Variants in PTK2 observed in about 807,000 individuals in gnomAD.
PTK2 encodes the protein focal adhesion kinase 1.
PTK2 carries 45 observed loss-of-function variants against 150.1 expected under a neutral mutation model. That is an observed-to-expected ratio of 0.30 (90% CI 0.24 to 0.38). The LOEUF (loss-of-function observed/expected upper bound fraction) is 0.38, where lower values mean the gene tolerates loss of function less well. Among genes scored for constraint, PTK2 ranks in the 10% least tolerant of loss-of-function variants. PTK2 has a pLI of 1.00. For missense variants in PTK2, 919 were observed against 1,307.3 expected (o/e 0.70, Z 4.58); for synonymous variants, 432 against 449.2 (o/e 0.96, Z 0.48).
intron 31 of PTK2, 146 bp downstream of exon 35, chr8:140,664,771 G>A: frequency 2.5e-6 from 2 of 800,766 alleles, no homozygotes; most frequent in Non-Finnish European, 4.2e-6. Context: ...TGGGGCCAGT[G>A]TTAGAGGGAA....
chr8:140,715,155 G>GTTTTTTTTTT (rs67306225), intron 23 of PTK2, among the ~76,000 whole-genome samples: 1 of 56,020 alleles, frequency 1.8e-5, no homozygotes, highest in Non-Finnish European at 3.4e-5. Flanking sequence ...CATTAAAACC[G>GTTTTTTTTTT]TTTTTTTTTT....
chr8:140,837,782 G>C (rs898927913), intron 7 of PTK2, among the ~76,000 whole-genome samples: 1 of 150,622 alleles, frequency 6.6e-6, no homozygotes, highest in East Asian at 2.0e-4. Context: ...AAAGCAGCTG[G>C]GCACGGTGGC....
chr8:140,880,656 T>C (rs1258965201), intron 3 of PTK2, among the ~76,000 whole-genome samples: 2 of 150,854 alleles, frequency 1.3e-5, no homozygotes, highest in Non-Finnish European at 3.0e-5. Context: ...TAATACAACT[T>C]GTTAAGACAT....
intron 13 of PTK2, among the ~76,000 whole-genome samples, chr8:140,789,991 A>C (rs2100087520): frequency 6.6e-6 from 1 of 152,186 alleles, no homozygotes; most frequent in South Asian, 2.1e-4. Flanking sequence ...CAATACATTA[A>C]TATGTACTAT....
chr8:140,788,533 A>G (rs1443008305), intron 14 of PTK2, among the ~76,000 whole-genome samples: 1 of 152,104 alleles, frequency 6.6e-6, no homozygotes, highest in Non-Finnish European at 1.5e-5. Flanking sequence ...AAAATACAAA[A>G]GTGAGCAGGG....
chr8:140,741,336 T>C (rs1366900901), intron 20 of PTK2, among the ~76,000 whole-genome samples: 1 of 151,566 alleles, frequency 6.6e-6, no homozygotes, highest in Non-Finnish European at 1.5e-5. Flanking sequence ...GCACCTGTAG[T>C]CCCAGCTACT....
At chr8:140,913,949 G>GT (rs1185505477) in intron 2 of PTK2, among the ~76,000 whole-genome samples, 2 of 151,930 alleles carry the variant, frequency 1.3e-5, no homozygotes, top group Non-Finnish European at 1.5e-5. Flanking sequence ...TCAACCAAAG[G>GT]TATCACCAAA....
intron 8 of PTK2, among the ~76,000 whole-genome samples, chr8:140,824,512 C>T (rs989534170): frequency 7.2e-5 from 11 of 152,194 alleles, no homozygotes; most frequent in Admixed American, 2.0e-4. Context: ...GCGCCTTTGG[C>T]AGGAATATAC....
At chr8:140,687,795 G>T (rs56077134) in intron 26 of PTK2, among the ~76,000 whole-genome samples, 1 of 152,082 alleles carries the variant, frequency 6.6e-6, no homozygotes, top group Non-Finnish European at 1.5e-5. Context: ...TGAAGGACAC[G>T]GCCACCATTA....
At chr8:140,822,776 C>A (rs567543875) in intron 8 of PTK2, among the ~76,000 whole-genome samples, 2 of 152,170 alleles carry the variant, frequency 1.3e-5, no homozygotes, top group South Asian at 4.2e-4. Flanking sequence ...GAGTATAGCC[C>A]GCAGCTGAAA....
At chr8:140,852,725 G>A (rs1387500441) in intron 5 of PTK2, among the ~76,000 whole-genome samples, 1 of 152,160 alleles carries the variant, frequency 6.6e-6, no homozygotes, top group Non-Finnish European at 1.5e-5. Flanking sequence ...AAGGCTTTAC[G>A]TGGAAAGCAC....
chr8:140,867,817 T>A (rs1157938719), intron 4 of PTK2, among the ~76,000 whole-genome samples: 1 of 152,218 alleles, frequency 6.6e-6, no homozygotes, highest in Non-Finnish European at 1.5e-5. Context: ...AAAACTCTAC[T>A]GAAACTTTCC....
At chr8:140,898,023 A>G (rs2100156981) in intron 2 of PTK2, among the ~76,000 whole-genome samples, 1 of 152,244 alleles carries the variant, frequency 6.6e-6, no homozygotes, top group African/African-American at 2.4e-5. Flanking sequence ...TTAAAACCAA[A>G]AACTGTTTTT....
At chr8:140,689,595 G>A (rs1183001939) in intron 26 of PTK2, among the ~76,000 whole-genome samples, 5 of 152,196 alleles carry the variant, frequency 3.3e-5, no homozygotes, top group African/African-American at 1.2e-4. Flanking sequence ...GGTTATTTAA[G>A]AGAACATCCT....
intron 23 of PTK2, among the ~76,000 whole-genome samples, chr8:140,714,463 A>AG (rs1039973197): frequency 1.8e-4 from 27 of 151,692 alleles, no homozygotes; most frequent in Non-Finnish European, 3.4e-4. Flanking sequence ...TTTAAAAAAA[A>AG]AAGAAAGAAA....
chr8:140,905,578 A>C (rs1286510090), intron 2 of PTK2, among the ~76,000 whole-genome samples: 1 of 152,174 alleles, frequency 6.6e-6, no homozygotes, highest in East Asian at 1.9e-4. Flanking sequence ...TAATAGCGGG[A>C]GACTTTAACA....
chr8:140,839,767 T>A (rs1382150264), intron 7 of PTK2, among the ~76,000 whole-genome samples: 3 of 152,166 alleles, frequency 2.0e-5, no homozygotes, highest in African/African-American at 7.2e-5. Context: ...ATCTGTTGAT[T>A]ATTAAAGAGA....
chr8:140,782,501 G>C (rs2100082391), intron 14 of PTK2, among the ~76,000 whole-genome samples: 1 of 152,136 alleles, frequency 6.6e-6, no homozygotes, highest in South Asian at 2.1e-4. Context: ...GCCTTCCAAA[G>C]TGCTAGGACT....
intron 10 of PTK2, among the ~76,000 whole-genome samples, chr8:140,806,111 C>T (rs936444572): frequency 6.6e-6 from 1 of 152,146 alleles, no homozygotes; most frequent in Non-Finnish European, 1.5e-5. Flanking sequence ...CCTGCATCCT[C>T]GACGGCTTTC....
Sources: allele counts gnomAD v4.1 joint callset (sites outside exome capture counted in the v4.1 genomes callset), GRCh38; gene constraint gnomAD v4.1.1; transcripts MANE v1.5; gene names NCBI Gene and HGNC (gene_info 2026-07-23, HGNC 2026-07-21).